CNTN3: variants seen among roughly 807,000 people sequenced by gnomAD.
CNTN3 encodes the protein contactin 3, also known as contactin-3.
CNTN3 carries 60 observed loss-of-function variants against 119.1 expected under a neutral mutation model. That is an observed-to-expected ratio of 0.50 (90% confidence interval 0.41 to 0.62). The LOEUF is 0.62. Among genes scored for constraint, CNTN3 ranks in the 20% least tolerant of loss-of-function variants. The pLI is 0.00. For synonymous variants in CNTN3, 450 were observed against 438.7 expected (o/e 1.03, Z -0.32); for missense variants, 1,101 against 1,242.4 (o/e 0.89, Z 1.71).
intron 1 of CNTN3, among the ~76,000 whole-genome samples, chr3:74,557,026 T>C (rs1166198513): frequency 6.6e-6 from 1 of 152,168 alleles, no homozygotes; most frequent in Non-Finnish European, 1.5e-5. Context: ...TTTTGTATTC[T>C]AATATAAGTC....
intron 5 of CNTN3, among the ~76,000 whole-genome samples, chr3:74,390,304 G>A (rs186936700): frequency 6.6e-6 from 1 of 150,770 alleles, no homozygotes; most frequent in East Asian, 2.0e-4. Context: ...TGACTAAATA[G>A]AAGAAAAATG....
At chr3:74,388,038 T>C (rs1704798341) in intron 5 of CNTN3, among the ~76,000 whole-genome samples, 1 of 152,160 alleles carries the variant, frequency 6.6e-6, no homozygotes, top group Non-Finnish European at 1.5e-5. Context: ...GGTGGACCCA[T>C]AGTAGCCCTC....
intron 5 of CNTN3, among the ~76,000 whole-genome samples, chr3:74,386,659 G>A (rs1420279364): frequency 1.3e-5 from 2 of 152,200 alleles, no homozygotes; most frequent in Non-Finnish European, 2.9e-5. Flanking sequence ...AGCTCTGTAA[G>A]CCAGGGAAAG....
chr3:74,557,944 G>T (rs546905205), intron 1 of CNTN3, among the ~76,000 whole-genome samples: 1 of 152,272 alleles, frequency 6.6e-6, no homozygotes, highest in Admixed American at 6.5e-5. Context: ...ACAAATGGAT[G>T]CATGGAACAC....
intron 5 of CNTN3, among the ~76,000 whole-genome samples, chr3:74,394,435 C>T (rs59493452): frequency 0.016 from 2,494 of 152,136 alleles, 74 homozygotes; most frequent in African/African-American, 0.058. Flanking sequence ...AGCAAAATGG[C>T]AAAAGATCTA....
At chr3:74,367,234 A>G (rs1426624888) in intron 8 of CNTN3, among the ~76,000 whole-genome samples, 1 of 152,044 alleles carries the variant, frequency 6.6e-6, no homozygotes, top group East Asian at 1.9e-4. Context: ...TTATGCCATT[A>G]ATTTCTGATT....
At chr3:74,380,396 T>C (rs766026075) in intron 5 of CNTN3, among the ~76,000 whole-genome samples, 3 of 152,238 alleles carry the variant, frequency 2.0e-5, no homozygotes, top group Admixed American at 6.5e-5. Context: ...TCATCGCTTA[T>C]ATTGAATAGC....
intron 5 of CNTN3, among the ~76,000 whole-genome samples, 198 bp downstream of exon 5, chr3:74,424,647 A>G (rs1701667252): frequency 6.6e-6 from 1 of 152,220 alleles, no homozygotes; most frequent in African/African-American, 2.4e-5. Flanking sequence ...CAAAAAGTCA[A>G]TGAGTCGATT....
chr3:74,290,993 G>A (rs1479043407), intron 19 of CNTN3, among the ~76,000 whole-genome samples: 2 of 151,942 alleles, frequency 1.3e-5, no homozygotes, highest in African/African-American at 4.8e-5. Context: ...TTGGTGTGCT[G>A]CACCCATTAA....
At chr3:74,420,403 T>A (rs1372886667) in intron 5 of CNTN3, among the ~76,000 whole-genome samples, 2 of 152,198 alleles carry the variant, frequency 1.3e-5, no homozygotes, top group Non-Finnish European at 2.9e-5. Flanking sequence ...CTTTTCCACA[T>A]CTATCTTCCC....
intron 5 of CNTN3, among the ~76,000 whole-genome samples, chr3:74,399,601 T>C (rs150050573): frequency 0.015 from 2,291 of 152,274 alleles, 56 homozygotes; most frequent in African/African-American, 0.052. Flanking sequence ...CTGATGAACT[T>C]ATGCATGCAT....
At chr3:74,575,641 A>ACACACACACACACACG (rs1704403530) in intron 1 of CNTN3, among the ~76,000 whole-genome samples, 1 of 151,332 alleles carries the variant, frequency 6.6e-6, no homozygotes, top group Admixed American at 6.6e-5. Flanking sequence ...ACACACACAC[A>ACACACACACACACACG]CAGTTCAAAC....
intron 2 of CNTN3, among the ~76,000 whole-genome samples, chr3:74,510,510 C>A (rs1198977658): frequency 6.6e-6 from 1 of 152,070 alleles, no homozygotes; most frequent in Non-Finnish European, 1.5e-5. Flanking sequence ...TAATCTTTTG[C>A]AAACCTCAGA....
At chr3:74,436,694 C>T (rs1352502906) in intron 4 of CNTN3, among the ~76,000 whole-genome samples, 1 of 152,032 alleles carries the variant, frequency 6.6e-6, no homozygotes, top group Non-Finnish European at 1.5e-5. Context: ...CCTTCCTCTC[C>T]CCAAAACCAG....
At chr3:74,409,663 A>G (rs184268252) in intron 5 of CNTN3, among the ~76,000 whole-genome samples, 1 of 152,134 alleles carries the variant, frequency 6.6e-6, no homozygotes, top group East Asian at 1.9e-4. Flanking sequence ...GAACTGTCTC[A>G]TATTTTTTGT....
chr3:74,327,855 A>G (rs1005951851), intron 13 of CNTN3, among the ~76,000 whole-genome samples: 10 of 151,734 alleles, frequency 6.6e-5, no homozygotes, highest in African/African-American at 2.2e-4. Flanking sequence ...AGAATTTCAT[A>G]CATATGACCT....
intron 18 of CNTN3, 125 bp from the exon 19 acceptor site, chr3:74,295,361 C>A (rs1702317756): frequency 3.5e-6 from 2 of 564,130 alleles, no homozygotes; most frequent in South Asian, 5.5e-5. Context: ...TATTCTGGCA[C>A]CATATGTTGA....
At chr3:74,278,735 A>T (rs998233184) in intron 20 of CNTN3, among the ~76,000 whole-genome samples, 1 of 152,222 alleles carries the variant, frequency 6.6e-6, no homozygotes, top group Non-Finnish European at 1.5e-5. Flanking sequence ...AAGCAAATGC[A>T]ATAAAAACAA....
chr3:74,437,735 T>C (rs767616698), intron 4 of CNTN3, among the ~76,000 whole-genome samples: 9 of 152,064 alleles, frequency 5.9e-5, no homozygotes, highest in Non-Finnish European at 1.2e-4. Context: ...CCCTAGAATT[T>C]TTCCATCAAA....
Sources: gnomAD v4.1 joint callset for allele counts (sites outside exome capture counted in the v4.1 genomes callset) on GRCh38, gnomAD v4.1.1 for gene constraint, MANE v1.5 for transcripts, NCBI Gene and HGNC (gene_info 2026-07-23, HGNC 2026-07-21) for gene names.